The following GALNT13 variants were observed in gnomAD, a reference collection of about 807,000 sequenced individuals.
GALNT13 encodes UDP-GalNAc:polypeptide N-acetylgalactosaminyltransferase 13.
In GALNT13, 28 loss-of-function variants were observed where a neutral mutation model predicts 64.2. The ratio of observed to expected loss-of-function variants is 0.44; its 90% CI spans 0.32 to 0.60. GALNT13 has a LOEUF of 0.60. Among genes scored for constraint, GALNT13 ranks in the 20% least tolerant of loss-of-function variants. GALNT13 has a pLI of 0.05. For missense variants in GALNT13, 577 were observed against 669.8 expected (o/e 0.86, Z 1.53); for synonymous variants, 214 against 224.6 (o/e 0.95, Z 0.42).
chr2:153,144,191 T>C, the GALNT13 span, among the ~76,000 whole-genome samples: 1 of 151,952 alleles, frequency 6.6e-6, no homozygotes, highest in Non-Finnish European at 1.5e-5. Flanking sequence ...CATGAAAGAC[T>C]GGTGTTTATT....
the GALNT13 span, among the ~76,000 whole-genome samples, chr2:153,446,308 C>A: frequency 1.8e-3 from 276 of 152,298 alleles, 2 homozygotes; most frequent in African/African-American, 6.3e-3. Flanking sequence ...ACATAGTCCA[C>A]CAAGCTTTGA....
At chr2:153,306,128 A>G in the GALNT13 span, among the ~76,000 whole-genome samples, 2 of 152,186 alleles carry the variant, frequency 1.3e-5, no homozygotes, top group African/African-American at 4.8e-5. Flanking sequence ...TGCTTTGAGA[A>G]TATTCTGGTG....
chr2:153,325,075 C>T, the GALNT13 span, among the ~76,000 whole-genome samples: 3 of 146,848 alleles, frequency 2.0e-5, no homozygotes, highest in Admixed American at 1.4e-4. Context: ...CCTCTTAGTA[C>T]CTCTGGCAGA....
At chr2:153,517,059 G>T in the GALNT13 span, among the ~76,000 whole-genome samples, 1 of 152,108 alleles carries the variant, frequency 6.6e-6, no homozygotes, top group South Asian at 2.1e-4. Flanking sequence ...TTTGGTTCCA[G>T]GTGAGAGGCT....
At chr2:153,488,695 A>G in the GALNT13 span, among the ~76,000 whole-genome samples, 1,056 of 152,326 alleles carry the variant, frequency 6.9e-3, 14 homozygotes, top group African/African-American at 0.025. Flanking sequence ...TATTTCCAGT[A>G]TGAAAAGACT....
intron 3 of GALNT13, among the ~76,000 whole-genome samples, chr2:153,966,462 T>G (rs1693356401): frequency 6.6e-6 from 1 of 150,742 alleles, no homozygotes; most frequent in South Asian, 2.1e-4. Context: ...GCCTGCCGGG[T>G]TCACGCCATT....
At chr2:154,313,167 T>G (rs1311912334) in intron 9 of GALNT13, among the ~76,000 whole-genome samples, 1 of 150,626 alleles carries the variant, frequency 6.6e-6, no homozygotes, top group African/African-American at 2.4e-5. Context: ...ATTTCTAAAG[T>G]GAATAGAACT....
the GALNT13 span, among the ~76,000 whole-genome samples, chr2:153,484,945 G>T: frequency 6.6e-6 from 1 of 152,136 alleles, no homozygotes; most frequent in Non-Finnish European, 1.5e-5. Flanking sequence ...AGTTTGAGGG[G>T]ATTCCTATAA....
At chr2:153,704,901 A>C in the GALNT13 span, among the ~76,000 whole-genome samples, 1 of 152,208 alleles carries the variant, frequency 6.6e-6, no homozygotes, top group Admixed American at 6.5e-5. Flanking sequence ...ACCTCAAGTA[A>C]GTTCTTAGAT....
At chr2:153,806,660 T>A in the GALNT13 span, among the ~76,000 whole-genome samples, 1 of 144,254 alleles carries the variant, frequency 6.9e-6, no homozygotes, top group East Asian at 2.0e-4. Flanking sequence ...ATAAAGAGCC[T>A]GGATTTACCT....
At chr2:154,019,685 TTTTTTG>T (rs202139471) in intron 3 of GALNT13, among the ~76,000 whole-genome samples, 38 of 117,170 alleles carry the variant, frequency 3.2e-4, no homozygotes, top group East Asian at 3.0e-3. Flanking sequence ...GTTTAAATGA[TTTTTTG>T]TTTTTTTTGT....
intron 1 of GALNT13, among the ~76,000 whole-genome samples, chr2:153,872,520 G>T (rs1686023093): frequency 6.6e-6 from 1 of 151,946 alleles, no homozygotes; most frequent in Non-Finnish European, 1.5e-5. Context: ...CTCGCTTGCG[G>T]GGCTGCAGGT....
At chr2:153,195,751 G>A in the GALNT13 span, among the ~76,000 whole-genome samples, 106 of 152,322 alleles carry the variant, frequency 7.0e-4, 1 homozygote, top group African/African-American at 2.3e-3. Context: ...ACCATTCAGC[G>A]GGTCCCGAGT....
At chr2:153,591,999 T>G in the GALNT13 span, among the ~76,000 whole-genome samples, 1 of 151,824 alleles carries the variant, frequency 6.6e-6, no homozygotes, top group Admixed American at 6.6e-5. Flanking sequence ...AATAATAGCC[T>G]TAGAAAGTGG....
At chr2:153,368,612 C>T in the GALNT13 span, among the ~76,000 whole-genome samples, 1 of 152,042 alleles carries the variant, frequency 6.6e-6, no homozygotes, top group Non-Finnish European at 1.5e-5. Flanking sequence ...ATACAATTCT[C>T]TAAGAGGACA....
At chr2:153,640,257 C>T in the GALNT13 span, among the ~76,000 whole-genome samples, 37 of 152,212 alleles carry the variant, frequency 2.4e-4, 1 homozygote, top group South Asian at 4.3e-3. Flanking sequence ...CAAAGGAAAC[C>T]TGTTGTCAGC....
chr2:153,912,853 T>C (rs567519174), intron 2 of GALNT13, among the ~76,000 whole-genome samples: 1 of 152,324 alleles, frequency 6.6e-6, no homozygotes, highest in African/African-American at 2.4e-5. Context: ...AAGCTCTTTG[T>C]AGGGCAGTGG....
the GALNT13 span, among the ~76,000 whole-genome samples, chr2:153,162,744 A>G: frequency 1.3e-5 from 2 of 152,246 alleles, no homozygotes; most frequent in African/African-American, 4.8e-5. Flanking sequence ...CTAACACTAA[A>G]TTCAGAAAAT....
At chr2:153,733,484 C>G in the GALNT13 span, among the ~76,000 whole-genome samples, 1 of 152,122 alleles carries the variant, frequency 6.6e-6, no homozygotes, top group Non-Finnish European at 1.5e-5. Context: ...TTGGATACAG[C>G]CCCTCTTTTT....
Sources: gnomAD v4.1 joint callset for allele counts (sites outside exome capture counted in the v4.1 genomes callset) on GRCh38, gnomAD v4.1.1 for gene constraint, MANE v1.5 for transcripts, NCBI Gene and HGNC (gene_info 2026-07-23, HGNC 2026-07-21) for gene names.